The following EXOC4 variants were observed in gnomAD, a reference collection of about 807,000 sequenced individuals.
EXOC4 encodes the protein exocyst complex component 4, also known as SEC8-like 1.
EXOC4 carries 71 observed loss-of-function variants against 107.2 expected under a neutral mutation model. The observed-to-expected ratio is 0.66, with a 90% CI of 0.55 to 0.81. The LOEUF is 0.81. EXOC4 is among the 30% of genes least tolerant of loss of function. The pLI is 0.00. For synonymous variants in EXOC4, 456 were observed against 441.2 expected (o/e 1.03, Z -0.42); for missense variants, 1,108 against 1,189.6 (o/e 0.93, Z 1.01).
At chr7:133,923,301 G>C (rs1799980514) in intron 13 of EXOC4, among the ~76,000 whole-genome samples, 1 of 151,836 alleles carries the variant, frequency 6.6e-6, no homozygotes, top group African/African-American at 2.4e-5. Flanking sequence ...GCTGATTTTT[G>C]TATTTTTAGT....
At chr7:133,701,818 T>G (rs755695379) in intron 10 of EXOC4, among the ~76,000 whole-genome samples, 6 of 152,118 alleles carry the variant, frequency 3.9e-5, no homozygotes, top group Admixed American at 3.3e-4. Flanking sequence ...ACACATACCC[T>G]GAAGGTAACT....
At chr7:133,439,163 A>G (rs6961498) in intron 7 of EXOC4, among the ~76,000 whole-genome samples, 123,867 of 145,906 alleles carry the variant, frequency 0.85, 52,892 homozygotes, top group East Asian at 0.95. Context: ...TAAAGGAAAT[A>G]TACCATATTT....
intron 10 of EXOC4, among the ~76,000 whole-genome samples, chr7:133,706,370 C>A (rs935990250): frequency 1.3e-5 from 2 of 152,080 alleles, no homozygotes; most frequent in Non-Finnish European, 2.9e-5. Context: ...AGGAGATGTG[C>A]ACAAACATAT....
intron 17 of EXOC4, among the ~76,000 whole-genome samples, chr7:134,063,968 G>C (rs1193787021): frequency 6.6e-6 from 1 of 152,084 alleles, no homozygotes; most frequent in Non-Finnish European, 1.5e-5. Flanking sequence ...CCTTCTTCAG[G>C]CTATACCCCT....
intron 10 of EXOC4, among the ~76,000 whole-genome samples, chr7:133,755,253 T>TTA (rs1348564810): frequency 1.3e-4 from 13 of 99,994 alleles, no homozygotes; most frequent in South Asian, 8.2e-4. Flanking sequence ...AATATATATA[T>TTA]TATATATATA....
intron 9 of EXOC4, among the ~76,000 whole-genome samples, chr7:133,498,993 T>A (rs1455274261): frequency 6.6e-6 from 1 of 152,106 alleles, no homozygotes; most frequent in East Asian, 1.9e-4. Flanking sequence ...ATAATAAGAA[T>A]TTTATATCGT....
At chr7:133,563,581 G>A (rs1244144215) in intron 9 of EXOC4, among the ~76,000 whole-genome samples, 1 of 152,160 alleles carries the variant, frequency 6.6e-6, no homozygotes, top group Non-Finnish European at 1.5e-5. Flanking sequence ...CACCTGTTAA[G>A]AGTTGAATTT....
chr7:133,765,945 G>T (rs761751607), intron 10 of EXOC4, among the ~76,000 whole-genome samples: 1 of 151,866 alleles, frequency 6.6e-6, no homozygotes, highest in Non-Finnish European at 1.5e-5. Flanking sequence ...TTAAAAATAT[G>T]ACTTTGTCCC....
intron 17 of EXOC4, among the ~76,000 whole-genome samples, chr7:134,055,477 T>G (rs1451731931): frequency 6.6e-6 from 1 of 152,208 alleles, no homozygotes; most frequent in Non-Finnish European, 1.5e-5. Flanking sequence ...GGCATCATGC[T>G]CATCACGCTT....
intron 10 of EXOC4, among the ~76,000 whole-genome samples, chr7:133,793,648 C>G (rs1385954177): frequency 6.6e-6 from 1 of 152,090 alleles, no homozygotes; most frequent in Non-Finnish European, 1.5e-5. Context: ...AATTCTAGAC[C>G]AGCCTGGCCA....
chr7:133,815,372 CAAAAA>C (rs531468167), intron 10 of EXOC4, among the ~76,000 whole-genome samples: 8 of 69,566 alleles, frequency 1.1e-4, no homozygotes, highest in Non-Finnish European at 2.0e-4. Context: ...AAGACTGCTT[CAAAAA>C]AAAAAAAAAA....
intron 14 of EXOC4, among the ~76,000 whole-genome samples, chr7:133,951,874 G>T (rs1031207184): frequency 6.6e-6 from 1 of 152,182 alleles, no homozygotes; most frequent in Non-Finnish European, 1.5e-5. Flanking sequence ...AGAAGCTGCT[G>T]AATTGGCCAG....
At chr7:133,728,278 G>A (rs1347921666) in intron 10 of EXOC4, among the ~76,000 whole-genome samples, 3 of 152,234 alleles carry the variant, frequency 2.0e-5, no homozygotes, top group African/African-American at 7.2e-5. Context: ...AAGCATAGTT[G>A]CTGTTTCATG....
rs1797256113 is a variant in EXOC4 at position 133,407,763 on chromosome 7, T to C, written c.1182+32761T>C. 2.0e-5 allele frequency among the ~76,000 whole-genome samples: 3 copies of C among 152,198 alleles called. 1 individual carries two copies. In the South Asian group the frequency reaches 6.2e-4, roughly 32 times the overall value. On this transcript the variant is annotated intron_variant, in intron 7 of 17. Transcript: ENST00000253861. Reference sequence around the variant, plus strand: ...CCTTGAAGGAGGATGCAAAAACATTTAAAATCAAGCTGGAATAAGCAAAAT... The same window carrying C: ...CCTTGAAGGAGGATGCAAAAACATTCAAAATCAAGCTGGAATAAGCAAAAT...
intron 10 of EXOC4, among the ~76,000 whole-genome samples, chr7:133,687,005 G>A (rs1169307762): frequency 1.3e-5 from 1 of 75,240 alleles, no homozygotes; most frequent in Non-Finnish European, 3.7e-5. Flanking sequence ...GTGTGTGTGT[G>A]TGTGTGTGTG....
chr7:133,993,456 A>G (rs1794308253), intron 14 of EXOC4, among the ~76,000 whole-genome samples: 1 of 152,226 alleles, frequency 6.6e-6, no homozygotes. Flanking sequence ...TGAAGGGATT[A>G]CAGCATTAAA....
intron 13 of EXOC4, among the ~76,000 whole-genome samples, chr7:133,928,019 T>G (rs1318118289): frequency 1.3e-5 from 2 of 152,234 alleles, no homozygotes; most frequent in African/African-American, 4.8e-5. Flanking sequence ...TGCTAGTGTA[T>G]TTGGACAATT....
chr7:133,587,551 T>C (rs1473395588), intron 9 of EXOC4, among the ~76,000 whole-genome samples: 1 of 152,178 alleles, frequency 6.6e-6, no homozygotes, highest in Non-Finnish European at 1.5e-5. Flanking sequence ...TCATTTGTCT[T>C]TTATAAAAGG....
intron 7 of EXOC4, among the ~76,000 whole-genome samples, chr7:133,441,838 G>T (rs542723632): frequency 6.6e-6 from 1 of 152,242 alleles, no homozygotes; most frequent in East Asian, 1.9e-4. Flanking sequence ...TGTGGGGGGT[G>T]TGTGTGTGTA....
Sources: allele counts gnomAD v4.1 joint callset (sites outside exome capture counted in the v4.1 genomes callset), GRCh38; gene constraint gnomAD v4.1.1; transcripts MANE v1.5; gene names NCBI Gene and HGNC (gene_info 2026-07-23, HGNC 2026-07-21).